Variants in DSCAML1 observed in about 807,000 individuals in gnomAD.
DSCAML1 encodes the protein cell adhesion molecule DSCAML1.
DSCAML1 carries 38 observed loss-of-function variants against 200.5 expected under a neutral mutation model. The observed-to-expected ratio is 0.19, with a 90% CI of 0.15 to 0.25. The LOEUF (loss-of-function observed/expected upper bound fraction) is 0.25. Among genes scored for constraint, DSCAML1 ranks in the 10% least tolerant of loss-of-function variants. The probability of loss-of-function intolerance (pLI) is 1.00; values close to 1 mark genes in which losing one functional copy is unlikely to be tolerated. For synonymous variants in DSCAML1, 1,215 were observed against 1,165.0 expected (o/e 1.04, Z -0.87); for missense variants, 2,223 against 2,858.8 (o/e 0.78, Z 5.07).
At chr11:117,453,584 T>C (rs2048320480) in intron 19 of DSCAML1, among the ~76,000 whole-genome samples, 1 of 152,190 alleles carries the variant, frequency 6.6e-6, no homozygotes, top group Non-Finnish European at 1.5e-5. Flanking sequence ...TTGTCCTTTT[T>C]TCTGGTTTCC....
At chr11:117,563,070 T>A (rs1038289835) in intron 3 of DSCAML1, among the ~76,000 whole-genome samples, 1 of 152,178 alleles carries the variant, frequency 6.6e-6, no homozygotes, top group Non-Finnish European at 1.5e-5. Flanking sequence ...CTTGCTGAAA[T>A]GAAGTGAACG....
chr11:117,746,280 T>C (rs2054517188), intron 3 of DSCAML1, among the ~76,000 whole-genome samples: 1 of 151,604 alleles, frequency 6.6e-6, no homozygotes, highest in Admixed American at 6.6e-5. Context: ...AGTGAATTTT[T>C]ATTATTATAA....
intron 8 of DSCAML1, among the ~76,000 whole-genome samples, chr11:117,509,833 C>A (rs78385717): frequency 6.6e-6 from 1 of 152,240 alleles, no homozygotes; most frequent in African/African-American, 2.4e-5. Context: ...GGTCTGACCC[C>A]CTGCACCCTG....
chr11:117,458,670 C>T, intron 19 of DSCAML1, 84 bp downstream of exon 19: 2 of 1,532,360 alleles, frequency 1.3e-6, no homozygotes, highest in Admixed American at 1.9e-5. Flanking sequence ...CAGTACCCTG[C>T]TCTCACCCTG....
chr11:117,734,669 CT>C (rs1394345219), intron 3 of DSCAML1, among the ~76,000 whole-genome samples: 2 of 152,200 alleles, frequency 1.3e-5, no homozygotes, highest in Non-Finnish European at 2.9e-5. Context: ...TTCCTGTTCT[CT>C]TTTGTAAGCT....
intron 3 of DSCAML1, among the ~76,000 whole-genome samples, chr11:117,720,591 T>C (rs762162257): frequency 2.5e-4 from 38 of 152,306 alleles, no homozygotes; most frequent in African/African-American, 5.5e-4. Flanking sequence ...TCCTCCTCCT[T>C]CTCACTTCCC....
intron 3 of DSCAML1, among the ~76,000 whole-genome samples, chr11:117,771,128 C>T (rs1229503923): frequency 6.6e-6 from 1 of 152,188 alleles, no homozygotes; most frequent in Admixed American, 6.5e-5. Flanking sequence ...CCAGCACCGG[C>T]ACCACCTCCC....
intron 3 of DSCAML1, among the ~76,000 whole-genome samples, chr11:117,740,704 GC>G (rs1446963619): frequency 6.6e-6 from 1 of 152,234 alleles, no homozygotes; most frequent in Non-Finnish European, 1.5e-5. Context: ...GAAGGGACAA[GC>G]CTCGTCTTAG....
chr11:117,651,942 G>C (rs1406613982), intron 3 of DSCAML1, among the ~76,000 whole-genome samples: 1 of 152,150 alleles, frequency 6.6e-6, no homozygotes, highest in East Asian at 1.9e-4. Context: ...TATTCTCTCT[G>C]ATTACGGGTA....
rs377027406 is a variant in DSCAML1 at position 117,469,995 on chromosome 11, G to A, written c.2954-15C>T. 1.7e-5 allele frequency: 27 copies of A among 1,584,114 alleles called. No individual in the cohort carries two copies. The highest frequency in any genetic ancestry group is 2.7e-5 in the African/African-American group (2 of 74,406). Reference sequence around the variant, plus strand: ...CCCATCGGGAGCTGAGCAGGGTAGCGGGGAGGAGAAACATTACAAGTCAAG... The same window carrying A: ...CCCATCGGGAGCTGAGCAGGGTAGCAGGGAGGAGAAACATTACAAGTCAAG... On this transcript the variant is annotated splice_polypyrimidine_tract_variant and intron_variant, in intron 15 of 32. Coordinates refer to ENST00000651296, the MANE Select transcript of DSCAML1 (RefSeq NM_020693.4). The surrounding 1 kb of genome is among the most constrained non-coding windows in gnomAD (Gnocchi z 4.1).
At chr11:117,509,996 C>T (rs957065344) in intron 8 of DSCAML1, among the ~76,000 whole-genome samples, 1 of 152,250 alleles carries the variant, frequency 6.6e-6, no homozygotes, top group Admixed American at 6.5e-5. Flanking sequence ...CCACAGTCAT[C>T]TTTAGCAAGG....
At chr11:117,795,095 G>T (rs886269611) in intron 1 of DSCAML1, among the ~76,000 whole-genome samples, 5 of 151,668 alleles carry the variant, frequency 3.3e-5, no homozygotes, top group Admixed American at 6.6e-5. Context: ...AAATAGCTCG[G>T]CTTCATTTAT....
chr11:117,499,083 G>C (rs1433237767), intron 11 of DSCAML1, among the ~76,000 whole-genome samples: 1 of 152,170 alleles, frequency 6.6e-6, no homozygotes, highest in Admixed American at 6.5e-5. Context: ...CCTGGGACTA[G>C]GCAGCTTGGC....
chr11:117,667,219 C>T (rs1300449259), intron 3 of DSCAML1, among the ~76,000 whole-genome samples: 1 of 152,194 alleles, frequency 6.6e-6, no homozygotes, highest in Non-Finnish European at 1.5e-5. Flanking sequence ...CGAGACCAGC[C>T]TGGCCAACAT....
intron 3 of DSCAML1, among the ~76,000 whole-genome samples, chr11:117,708,287 T>C (rs1248273942): frequency 6.6e-6 from 1 of 152,214 alleles, no homozygotes; most frequent in Admixed American, 6.5e-5. Flanking sequence ...CCCTCTCTGC[T>C]GGACCACCTG....
chr11:117,629,113 T>A (rs76205818), intron 3 of DSCAML1, among the ~76,000 whole-genome samples: 2,385 of 152,160 alleles, frequency 0.016, 30 homozygotes, highest in East Asian at 0.059. Flanking sequence ...AGAAATGGCA[T>A]ATTGATCAGT....
At chr11:117,602,446 C>T (rs1333282554) in intron 3 of DSCAML1, among the ~76,000 whole-genome samples, 2 of 152,090 alleles carry the variant, frequency 1.3e-5, no homozygotes, top group African/African-American at 2.4e-5. Flanking sequence ...CTGCAACCTC[C>T]GCCTCCTAGG....
chr11:117,484,845 C>G (rs968352779), intron 11 of DSCAML1, among the ~76,000 whole-genome samples: 2 of 149,362 alleles, frequency 1.3e-5, no homozygotes, highest in African/African-American at 5.0e-5. Context: ...GAATCCTGTT[C>G]CTGAGAGGTT....
intron 11 of DSCAML1, among the ~76,000 whole-genome samples, chr11:117,496,481 A>C (rs73008408): frequency 0.044 from 6,623 of 152,150 alleles, 204 homozygotes; most frequent in East Asian, 0.1. Context: ...CTTATCTATT[A>C]AGTAGAGCTG....
Sources: gnomAD v4.1 joint callset for allele counts (sites outside exome capture counted in the v4.1 genomes callset) on GRCh38, gnomAD v4.1.1 for gene constraint, Gnocchi (gnomAD v3.1) non-coding constraint, MANE v1.5 for transcripts, NCBI Gene and HGNC (gene_info 2026-07-23, HGNC 2026-07-21) for gene names.